The following GABRG3 variants were observed in gnomAD, a reference collection of about 807,000 sequenced individuals.
The protein encoded by GABRG3 is gamma-aminobutyric acid type A receptor subunit gamma3.
GABRG3 carries 25 observed loss-of-function variants against 48.8 expected under a neutral mutation model. That is an observed-to-expected ratio of 0.51 (90% CI 0.37 to 0.72). GABRG3 has a LOEUF of 0.72. GABRG3 is among the 30% of genes least tolerant of loss of function. The pLI is 0.00. For missense variants in GABRG3, 394 were observed against 577.9 expected, an observed-to-expected ratio of 0.68 and a Z score of 3.26; for synonymous variants, 227 against 217.6, an observed-to-expected ratio of 1.04 and a Z score of -0.38.
intron 5 of GABRG3, among the ~76,000 whole-genome samples, chr15:27,432,058 A>G (rs1051215093): frequency 2.2e-4 from 34 of 152,314 alleles, no homozygotes; most frequent in African/African-American, 8.2e-4. Context: ...TTTATGGCCT[A>G]GTCTATGGCT....
chr15:27,094,989 C>A (rs1227365602), intron 3 of GABRG3, among the ~76,000 whole-genome samples: 1 of 152,130 alleles, frequency 6.6e-6, no homozygotes, highest in African/African-American at 2.4e-5. Flanking sequence ...ACCATAGTTT[C>A]TTTTCTTTAC....
At chr15:27,388,100 GAGGGAGGGAAAAGAAGGAAGGAAGGAA>G (rs1896021096) in intron 5 of GABRG3, among the ~76,000 whole-genome samples, 2 of 61,110 alleles carry the variant, frequency 3.3e-5, no homozygotes, top group African/African-American at 8.2e-5. Flanking sequence ...GGAGGAAAGG[GAGGGAGGGAAAAGAAGGAAGGAAGGAA>G]AGGAGGGAGG....
At chr15:27,369,197 A>G (rs1213868513) in intron 5 of GABRG3, among the ~76,000 whole-genome samples, 1 of 152,214 alleles carries the variant, frequency 6.6e-6, no homozygotes, top group Non-Finnish European at 1.5e-5. Flanking sequence ...TTTATACCAT[A>G]GATGTTCAGA....
chr15:27,320,624 T>A (rs908479861), intron 3 of GABRG3, among the ~76,000 whole-genome samples: 1 of 152,196 alleles, frequency 6.6e-6, no homozygotes, highest in African/African-American at 2.4e-5. Flanking sequence ...TTCTGAGTCT[T>A]GCTCCTAAAA....
intron 6 of GABRG3, among the ~76,000 whole-genome samples, chr15:27,505,930 G>A (rs970260550): frequency 7.9e-5 from 12 of 152,166 alleles, no homozygotes; most frequent in African/African-American, 2.9e-4. Context: ...TAACTTAATA[G>A]ATATAGGTTT....
rs1170812736 is a variant in GABRG3, at chr15:27,248,803, CAGAGAG to C, written c.271-77978_271-77973del. On this transcript the variant is annotated intron_variant, in intron 3 of 9. Coordinates refer to ENST00000615808, the MANE Select transcript of GABRG3 (RefSeq NM_033223.5). ...ACACACACACACACACACACACACA[CAGAGAG>C]AGAGAGAGAGAGAGAGAGAGAGAGA... 6.2e-3 allele frequency among the ~76,000 whole-genome samples: 688 copies of C among 110,212 alleles called. 4 individuals carry two copies. Among genetic ancestry groups the C allele is most frequent in the Middle Eastern group, 9.7e-3 (2 of 206 alleles). The allele number at this position is 110,212 out of a possible 152,430, so 72.3% of individuals were successfully genotyped here. A position where few individuals can be genotyped will look rare whatever the true frequency, so the allele number is the denominator to read the frequency against.
intron 6 of GABRG3, among the ~76,000 whole-genome samples, chr15:27,496,870 T>C (rs1249232796): frequency 6.6e-6 from 1 of 152,360 alleles, no homozygotes; most frequent in East Asian, 1.9e-4. Context: ...TGTCTCTGTT[T>C]AGATAAAGTG....
intron 5 of GABRG3, among the ~76,000 whole-genome samples, chr15:27,394,261 G>T (rs567472955): frequency 1.3e-5 from 2 of 152,100 alleles, no homozygotes; most frequent in South Asian, 2.1e-4. Flanking sequence ...TATGCTCTTA[G>T]TGTTTTCCCT....
At chr15:27,472,528 G>A (rs908196561) in intron 5 of GABRG3, among the ~76,000 whole-genome samples, 5 of 152,066 alleles carry the variant, frequency 3.3e-5, no homozygotes, top group African/African-American at 1.2e-4. Flanking sequence ...TGCCCACCTT[G>A]GCCTCCCAAA....
At position 26,974,847 on chromosome 15, in the gene GABRG3, TTATTATTATTA is replaced by T. The variant is rs1566897112; in HGVS notation, c.54-2153_54-2143del. Among the ~76,000 whole-genome samples the T allele has an allele frequency of 3.7e-3, 69 of 18,664 alleles. No individual in the cohort carries two copies. The highest frequency in any genetic ancestry group is 0.024 in the African/African-American group (68 of 2,780). 12.2% of individuals were successfully genotyped at this position (18,664 alleles called of 152,430 possible). On this transcript the variant is annotated intron_variant, in intron 1 of 9. Coordinates refer to ENST00000615808, the MANE Select transcript of GABRG3 (RefSeq NM_033223.5). The surrounding 1 kb of genome is among the most constrained non-coding windows in gnomAD (Gnocchi z 4.3). ...TGACACGAAATATTTTTTAAATTTA[TTATTATTATTA>T]TTATTATTATTATTATTATTATTAT...
intron 3 of GABRG3, among the ~76,000 whole-genome samples, chr15:27,062,684 C>T (rs1343360732): frequency 6.6e-6 from 1 of 151,936 alleles, no homozygotes; most frequent in Non-Finnish European, 1.5e-5. Flanking sequence ...AGCTTGAGAG[C>T]AGGAATAGAT....
Position 27,429,329 on chromosome 15 carries a change from G to A in GABRG3, c.575-51321G>A, listed in dbSNP as rs146678887. On this transcript the variant is annotated intron_variant, in intron 5 of 9. Coordinates refer to ENST00000615808, the MANE Select transcript of GABRG3 (RefSeq NM_033223.5). ...TTGACCTTGGGTAGGCTTACATGGC[G>A]ATGAGTCCTTCAGAGTTAGCAGAAG... Among the ~76,000 whole-genome samples, 36 of 152,248 alleles carry A rather than the reference G, an allele frequency of 2.4e-4. No homozygotes were observed. The East Asian group carries it at 6.6e-3, about 28-fold the overall frequency.
At chr15:27,325,693 G>A (rs1893590067) in intron 3 of GABRG3, among the ~76,000 whole-genome samples, 1 of 152,144 alleles carries the variant, frequency 6.6e-6, no homozygotes, top group South Asian at 2.1e-4. Context: ...ACAGTGCTGG[G>A]TCTTCCTTGC....
intron 5 of GABRG3, among the ~76,000 whole-genome samples, chr15:27,403,914 C>CAAAAAAAAAAAAAAAAAAAAAAAAA (rs528760544): frequency 1.5e-5 from 1 of 68,548 alleles, no homozygotes; most frequent in African/African-American, 5.7e-5. Flanking sequence ...CAAAAAAAAA[C>CAAAAAAAAAAAAAAAAAAAAAAAAA]AAAAAAAAAA....
intron 5 of GABRG3, among the ~76,000 whole-genome samples, chr15:27,410,423 A>T (rs1200534262): frequency 6.6e-6 from 1 of 152,084 alleles, no homozygotes; most frequent in Non-Finnish European, 1.5e-5. Context: ...GAACTATTTC[A>T]TCCTTATTTG....
In GABRG3 at chr15:27,101,433, G is replaced by A. The variant is rs187256936; in HGVS notation, c.270+74612G>A. Among the ~76,000 whole-genome samples the A allele has an allele frequency of 2.0e-5, 3 of 152,202 alleles. No homozygotes were observed. In the East Asian group the frequency reaches 5.8e-4, roughly 29 times the overall value. ...GCAATTCCTACCAAAATCCAGACAA[G>A]CTTATTTGAAAATTTTCACAGAACA... On this transcript the variant is annotated intron_variant, in intron 3 of 9. Coordinates refer to ENST00000615808, the MANE Select transcript of GABRG3 (RefSeq NM_033223.5).
intron 5 of GABRG3, among the ~76,000 whole-genome samples, chr15:27,416,584 C>T (rs879932709): frequency 4.6e-5 from 7 of 152,154 alleles, no homozygotes; most frequent in East Asian, 3.8e-4. Context: ...AGGTAAAACT[C>T]GCAAAAGTGA....
intron 3 of GABRG3, among the ~76,000 whole-genome samples, chr15:27,104,119 C>G (rs1897408153): frequency 6.6e-6 from 1 of 152,118 alleles, no homozygotes; most frequent in Admixed American, 6.5e-5. Flanking sequence ...ATGGCCCTTG[C>G]CTTTTAGTGT....
At chr15:27,187,752 G>A (rs932059489) in intron 3 of GABRG3, among the ~76,000 whole-genome samples, 5 of 151,932 alleles carry the variant, frequency 3.3e-5, no homozygotes, top group African/African-American at 1.2e-4. Context: ...ATACTTTTAA[G>A]TTTTAGGGTA....
Sources: allele counts gnomAD v4.1 joint callset (sites outside exome capture counted in the v4.1 genomes callset), GRCh38; gene constraint gnomAD v4.1.1; non-coding constraint Gnocchi (gnomAD v3.1); transcripts MANE v1.5; gene names NCBI Gene and HGNC (gene_info 2026-07-23, HGNC 2026-07-21).